MATCAP2: variants seen among roughly 807,000 people sequenced by gnomAD.
MATCAP2 encodes the protein putative tyrosine carboxypeptidase MATCAP2.
At chr7:36,371,418 C>T in the MATCAP2 span, among the ~76,000 whole-genome samples, 2 of 152,076 alleles carry the variant, frequency 1.3e-5, no homozygotes, top group Non-Finnish European at 2.9e-5. Flanking sequence ...TTTATTTTGT[C>T]AGTAACTTGT....
the MATCAP2 span, among the ~76,000 whole-genome samples, chr7:36,351,745 G>T: frequency 6.6e-6 from 1 of 151,048 alleles, no homozygotes; most frequent in Non-Finnish European, 1.5e-5. Flanking sequence ...TCAGGAGTTT[G>T]GAACCAGCCT....
the MATCAP2 span, among the ~76,000 whole-genome samples, chr7:36,347,754 T>C: frequency 3.5e-4 from 54 of 152,326 alleles, no homozygotes; most frequent in Admixed American, 9.8e-4. Context: ...AACTTTTTAC[T>C]CAAGGTTATG....
At chr7:36,385,405 C>G in the MATCAP2 span, among the ~76,000 whole-genome samples, 1 of 152,142 alleles carries the variant, frequency 6.6e-6, no homozygotes, top group Non-Finnish European at 1.5e-5. Flanking sequence ...CAGATATCAA[C>G]ATTTATAACT....
the MATCAP2 span, chr7:36,366,637 C>A: frequency 2.0e-6 from 3 of 1,507,514 alleles, no homozygotes; most frequent in Admixed American, 2.0e-5. Flanking sequence ...TGGATTGTAC[C>A]TTTGTAAGAC....
At chr7:36,357,677 T>C in the MATCAP2 span, 1 of 959,226 alleles carries the variant, frequency 1.0e-6, no homozygotes, top group Non-Finnish European at 1.5e-6. Flanking sequence ...ATTCTGAAGA[T>C]TCTATAAACT....
chr7:36,368,353 A>G, the MATCAP2 span: 1 of 152,262 alleles, frequency 6.6e-6, no homozygotes, highest in African/African-American at 2.4e-5. Context: ...TCACACCCTG[A>G]GAATGACAGG....
the MATCAP2 span, chr7:36,325,655 T>C: frequency 2.0e-5 from 3 of 152,286 alleles, no homozygotes; most frequent in South Asian, 4.1e-4. Context: ...AATCCAGGTA[T>C]ATATATACAA....
chr7:36,335,935 G>A, the MATCAP2 span, among the ~76,000 whole-genome samples: 1 of 152,254 alleles, frequency 6.6e-6, no homozygotes, highest in Admixed American at 6.5e-5. Context: ...AGCTGGGTGT[G>A]GTGGCTGGTG....
the MATCAP2 span, among the ~76,000 whole-genome samples, chr7:36,382,932 C>A: frequency 6.6e-6 from 1 of 151,752 alleles, no homozygotes; most frequent in East Asian, 1.9e-4. Flanking sequence ...ATCTTAATAT[C>A]CTTATTAACC....
the MATCAP2 span, chr7:36,335,146 G>C: frequency 6.2e-7 from 1 of 1,613,926 alleles, no homozygotes; most frequent in East Asian, 2.2e-5. Flanking sequence ...TTGACGCTCG[G>C]GAAAGCAGGT....
At chr7:36,330,305 C>A in the MATCAP2 span, among the ~76,000 whole-genome samples, 1 of 152,000 alleles carries the variant, frequency 6.6e-6, no homozygotes, top group African/African-American at 2.4e-5. Flanking sequence ...AGGCTGCTCT[C>A]AAACTCCTGG....
chr7:36,374,891 G>A, the MATCAP2 span, among the ~76,000 whole-genome samples: 1 of 152,190 alleles, frequency 6.6e-6, no homozygotes, highest in Non-Finnish European at 1.5e-5. Flanking sequence ...TGGCTGCATA[G>A]TATTCCATGG....
chr7:36,389,666 G>A, the MATCAP2 span: 1 of 226,468 alleles, frequency 4.4e-6, no homozygotes, highest in Non-Finnish European at 8.5e-6. Flanking sequence ...AGCAGGAAGC[G>A]CCCCGCTGCC....
At chr7:36,331,723 C>T in the MATCAP2 span, among the ~76,000 whole-genome samples, 6 of 152,172 alleles carry the variant, frequency 3.9e-5, no homozygotes, top group South Asian at 4.1e-4. Context: ...TGAATCTGAA[C>T]GTAGTTAGAA....
the MATCAP2 span, among the ~76,000 whole-genome samples, chr7:36,366,214 C>A: frequency 6.6e-6 from 1 of 152,160 alleles, no homozygotes; most frequent in Non-Finnish European, 1.5e-5. Context: ...CGTACAGAAT[C>A]AAATGCTGGG....
chr7:36,380,922 G>C, the MATCAP2 span, among the ~76,000 whole-genome samples: 6 of 152,088 alleles, frequency 3.9e-5, no homozygotes, highest in Non-Finnish European at 8.8e-5. Flanking sequence ...GTAGAGATGG[G>C]GTTTCACCAT....
At chr7:36,358,947 A>G in the MATCAP2 span, among the ~76,000 whole-genome samples, 2 of 152,234 alleles carry the variant, frequency 1.3e-5, no homozygotes, top group African/African-American at 4.8e-5. Context: ...TTCAGATTCA[A>G]TTCTAAACTG....
the MATCAP2 span, among the ~76,000 whole-genome samples, chr7:36,376,542 C>T: frequency 7.2e-5 from 11 of 152,130 alleles, no homozygotes; most frequent in African/African-American, 2.2e-4. Context: ...AAGTGCAATG[C>T]GGTGCTGAGA....
chr7:36,344,354 T>G, the MATCAP2 span, among the ~76,000 whole-genome samples: 1 of 152,314 alleles, frequency 6.6e-6, no homozygotes, highest in African/African-American at 2.4e-5. Flanking sequence ...ATGTTGATGG[T>G]TTTTAATGAT....
Sources: gnomAD v4.1 joint callset for allele counts (sites outside exome capture counted in the v4.1 genomes callset) on GRCh38, gnomAD v4.1.1 for gene constraint, MANE v1.5 for transcripts, NCBI Gene and HGNC (gene_info 2026-07-23, HGNC 2026-07-21) for gene names.